GABRB3: variants seen among roughly 807,000 people sequenced by gnomAD.
GABRB3 encodes gamma-aminobutyric acid type A receptor subunit beta3, also known as gamma-aminobutyric acid receptor subunit beta-3.
GABRB3 carries 14 observed loss-of-function variants against 52.1 expected under a neutral mutation model. The ratio of observed to expected loss-of-function variants is 0.27; its 90% CI spans 0.18 to 0.42. The LOEUF (loss-of-function observed/expected upper bound fraction) is 0.42, where lower values mean the gene tolerates loss of function less well. GABRB3 is among the 10% of genes least tolerant of loss of function. GABRB3 has a pLI of 1.00. For missense variants in GABRB3, 307 were observed against 609.1 expected (o/e 0.50, Z 5.22); for synonymous variants, 260 against 232.3 (o/e 1.12, Z -1.08).
In GABRB3 at chr15:26,621,651, C is replaced by T. The variant is rs531158734; in HGVS notation, c.241-117G>A. ...CTCTACAGTGAATAACCAGGAGAAA[C>T]GGATGCCATTTTTATGCAGAATGGG... On this transcript the variant is annotated intron_variant, in intron 3 of 8. Transcript: ENST00000311550. The surrounding 1 kb of genome is among the most constrained non-coding windows in gnomAD (Gnocchi z 4.1). 11 of 750,088 alleles carry T rather than the reference C, an allele frequency of 1.5e-5. No individual in the cohort carries two copies. Among genetic ancestry groups the T allele is most frequent in the African/African-American group, 8.8e-5 (5 of 57,120 alleles). The allele number at this position is 750,088 out of a possible 1,614,324, so 46.5% of individuals were successfully genotyped here. A position where few individuals can be genotyped will look rare whatever the true frequency, so the allele number is the denominator to read the frequency against.
At chr15:26,569,720 A>C (rs1194126279) in intron 6 of GABRB3, among the ~76,000 whole-genome samples, 2 of 152,232 alleles carry the variant, frequency 1.3e-5, no homozygotes, top group Non-Finnish European at 2.9e-5. Context: ...AAATGTATGA[A>C]ACCAATGTAT....
intron 3 of GABRB3, among the ~76,000 whole-genome samples, chr15:26,755,164 C>T (rs1447360665): frequency 2.6e-5 from 4 of 152,068 alleles, no homozygotes; most frequent in South Asian, 2.1e-4. Flanking sequence ...TCACCATGCC[C>T]GGCTAATTTT....
chr15:26,764,868 C>T (rs540285862), intron 3 of GABRB3, among the ~76,000 whole-genome samples: 44 of 152,122 alleles, frequency 2.9e-4, no homozygotes, highest in Non-Finnish European at 4.6e-4. Flanking sequence ...CGGTGGCTCA[C>T]GCCTGTAATC....
intron 3 of GABRB3, among the ~76,000 whole-genome samples, chr15:26,753,764 C>T (rs1355947293): frequency 2.6e-5 from 4 of 152,060 alleles, no homozygotes; most frequent in Non-Finnish European, 5.9e-5. Flanking sequence ...CAGGAAAAGC[C>T]GAATATACAG....
intron 3 of GABRB3, chr15:26,624,856 T>C: frequency 1.0e-6 from 1 of 985,420 alleles, no homozygotes; most frequent in Non-Finnish European, 1.2e-6. Context: ...GGTTTTCCTG[T>C]TACGGGAGCC....
chr15:26,647,800 G>T (rs1035489210), intron 3 of GABRB3, among the ~76,000 whole-genome samples: 1 of 151,832 alleles, frequency 6.6e-6, no homozygotes, highest in Non-Finnish European at 1.5e-5. Flanking sequence ...CCCAGAGCGG[G>T]GCTGCCTGGC....
At chr15:26,565,214 C>T (rs957120599) in intron 7 of GABRB3, among the ~76,000 whole-genome samples, 2 of 152,022 alleles carry the variant, frequency 1.3e-5, no homozygotes, top group Non-Finnish European at 2.9e-5. Flanking sequence ...GCTCCTGACA[C>T]TGCGTCATAC....
At chr15:26,686,980 G>A (rs995634770) in intron 3 of GABRB3, among the ~76,000 whole-genome samples, 9 of 152,364 alleles carry the variant, frequency 5.9e-5, no homozygotes, top group Non-Finnish European at 8.8e-5. Context: ...AGATGACCAC[G>A]CAGCCACCCG....
chr15:26,684,511 A>C (rs952041190), intron 3 of GABRB3, among the ~76,000 whole-genome samples: 3 of 152,178 alleles, frequency 2.0e-5, no homozygotes, highest in African/African-American at 7.2e-5. Flanking sequence ...TGGTGCAAGA[A>C]GCCTAGCTTT....
At chr15:26,710,286 AG>A (rs1220364330) in intron 3 of GABRB3, among the ~76,000 whole-genome samples, 1 of 152,118 alleles carries the variant, frequency 6.6e-6, no homozygotes, top group Non-Finnish European at 1.5e-5. Context: ...TTTGAGACGG[AG>A]TGTCACTCTT....
chr15:26,553,496 A>G (rs956775012), intron 8 of GABRB3: 9 of 152,224 alleles, frequency 5.9e-5, no homozygotes, highest in African/African-American at 2.2e-4. Context: ...GGGAATTACG[A>G]TATCAGAAAA....
chr15:26,573,794 A>C (rs112076350), intron 6 of GABRB3, among the ~76,000 whole-genome samples: 97 of 152,220 alleles, frequency 6.4e-4, no homozygotes, highest in Non-Finnish European at 1.2e-3. Context: ...TCATGCCTGC[A>C]ATCTCAGCAC....
chr15:26,734,780 T>G (rs1890024182), intron 3 of GABRB3, among the ~76,000 whole-genome samples: 1 of 151,772 alleles, frequency 6.6e-6, no homozygotes, highest in Middle Eastern at 3.4e-3. Context: ...TCTAAAAAAT[T>G]TATCTTGGAG....
intron 3 of GABRB3, among the ~76,000 whole-genome samples, chr15:26,742,506 T>G (rs556590927): frequency 6.6e-6 from 1 of 152,338 alleles, no homozygotes; most frequent in Admixed American, 6.5e-5. Flanking sequence ...CATCAGATAT[T>G]TCATACGTGG....
At chr15:26,626,411 T>C (rs967465765) in intron 3 of GABRB3, among the ~76,000 whole-genome samples, 1 of 152,134 alleles carries the variant, frequency 6.6e-6, no homozygotes, top group African/African-American at 2.4e-5. Flanking sequence ...CCATCTCTCA[T>C]GGTAAATGAA....
chr15:26,703,447 AC>A (rs1272306280), intron 3 of GABRB3, among the ~76,000 whole-genome samples: 1 of 152,154 alleles, frequency 6.6e-6, no homozygotes, highest in Non-Finnish European at 1.5e-5. Flanking sequence ...ACTCATTCAA[AC>A]CACAACAATC....
chr15:26,772,863 CG>C lies in GABRB3; in HGVS notation c.80+19del. The C allele has an allele frequency of 6.9e-7, 1 of 1,451,216 alleles. No individual in the cohort carries two copies. The highest frequency in any genetic ancestry group is 9.1e-7 in the Non-Finnish European group (1 of 1,097,842). The allele number at this position is 1,451,216 out of a possible 1,614,324, so 89.9% of individuals were successfully genotyped here. On this transcript the variant is annotated intron_variant, in intron 1 of 8. Transcript: ENST00000311550. ...ACCCCGCGCCCTGCCCGCCGCCCGC[CG>C]GCCCACCCGCGACCCTACCTCTGGG...
At chr15:26,639,341 G>GAAA (rs71420015) in intron 3 of GABRB3, among the ~76,000 whole-genome samples, 28 of 126,150 alleles carry the variant, frequency 2.2e-4, no homozygotes, top group Admixed American at 2.5e-4. Flanking sequence ...GAAAATATTT[G>GAAA]AAAAAAAAAA....
intron 3 of GABRB3, among the ~76,000 whole-genome samples, chr15:26,655,010 A>G (rs1319849629): frequency 2.0e-5 from 3 of 152,070 alleles, no homozygotes; most frequent in Non-Finnish European, 4.4e-5. Context: ...TTAAATAAGT[A>G]CATTCCTTTC....
Sources: gnomAD v4.1 joint callset for allele counts (sites outside exome capture counted in the v4.1 genomes callset) on GRCh38, gnomAD v4.1.1 for gene constraint, Gnocchi (gnomAD v3.1) non-coding constraint, MANE v1.5 for transcripts, NCBI Gene and HGNC (gene_info 2026-07-23, HGNC 2026-07-21) for gene names.